The following KYAT3 variants were observed in gnomAD, a reference collection of about 807,000 sequenced individuals.
KYAT3 encodes kynurenine--oxoglutarate transaminase 3.
A neutral mutation model predicts 59.0 loss-of-function variants in KYAT3; 50 were observed. That is an observed-to-expected ratio of 0.85 (90% CI 0.68 to 1.07). The LOEUF is 1.07. Among genes scored for constraint, KYAT3 ranks in the 50% least tolerant of loss-of-function variants. The pLI, the probability that KYAT3 is intolerant of heterozygous loss-of-function variation, is 0.00. For synonymous variants in KYAT3, 148 were observed against 177.0 expected (o/e 0.84, Z 1.30); for missense variants, 497 against 533.3 (o/e 0.93, Z 0.67).
At chr1:88,934,348 G>A (rs183209527), downstream of KYAT3, among the ~76,000 whole-genome samples, 10 of 152,306 alleles carry the variant, frequency 6.6e-5, no homozygotes, top group Admixed American at 1.3e-4. Flanking sequence ...TAGCTACTTG[G>A]ATGGCTGAGG....
downstream of KYAT3, among the ~76,000 whole-genome samples, chr1:88,932,573 A>G (rs1418513228): frequency 6.6e-6 from 1 of 152,096 alleles, no homozygotes; most frequent in Non-Finnish European, 1.5e-5. Flanking sequence ...AGCTCACTGC[A>G]GCCTCAACCT....
chr1:88,949,578 T>C (rs1290922970), intron 10 of KYAT3, among the ~76,000 whole-genome samples: 3 of 152,230 alleles, frequency 2.0e-5, no homozygotes, highest in Non-Finnish European at 2.9e-5. Flanking sequence ...TAAGATATTT[T>C]CTGCTGAGGT....
the KYAT3 span, among the ~76,000 whole-genome samples, chr1:88,927,849 A>C: frequency 1.4e-4 from 22 of 152,210 alleles, no homozygotes; most frequent in Non-Finnish European, 2.6e-4. Context: ...TTACTGCTAA[A>C]TCAGACACTA....
intron 4 of KYAT3, among the ~76,000 whole-genome samples, chr1:88,967,354 C>T (rs1262541718): frequency 7.9e-5 from 12 of 151,910 alleles, no homozygotes; most frequent in African/African-American, 1.9e-4. Context: ...AGTTTTTCAT[C>T]CTGCTCCACT....
chr1:88,953,545 CAAAAAAAA>C (rs67537454), intron 9 of KYAT3, among the ~76,000 whole-genome samples: 1 of 100,908 alleles, frequency 9.9e-6, no homozygotes, highest in African/African-American at 3.5e-5. Flanking sequence ...GACTCTATCT[CAAAAAAAA>C]AAAAAAAAAA....
chr1:88,947,444 C>A (rs941923156), intron 11 of KYAT3, among the ~76,000 whole-genome samples: 1 of 152,216 alleles, frequency 6.6e-6, no homozygotes, highest in Non-Finnish European at 1.5e-5. Flanking sequence ...GAACCTAACT[C>A]TCCTCCTCCT....
chr1:88,992,014 T>C (rs10922534), intron 1 of KYAT3, among the ~76,000 whole-genome samples: 29,131 of 149,748 alleles, frequency 0.19, 3,570 homozygotes, highest in Non-Finnish European at 0.26. Flanking sequence ...AGTCTTGCTC[T>C]GTCGCCCAGG....
intron 3 of KYAT3, 128 bp downstream of exon 3, chr1:88,969,281 T>C (rs1159174517): frequency 7.5e-6 from 5 of 671,026 alleles, no homozygotes; most frequent in Non-Finnish European, 1.3e-5. Flanking sequence ...TCCATTTTCA[T>C]TTAATGGATG....
At chr1:88,969,535 C>A in intron 2 of KYAT3, 68 bp from the exon 3 acceptor site, 1 of 820,194 alleles carries the variant, frequency 1.2e-6, no homozygotes, top group South Asian at 1.4e-5. Context: ...AATCATGGGT[C>A]ACTCTTCTTC....
chr1:88,948,146 C>G (rs1675522568), intron 11 of KYAT3, among the ~76,000 whole-genome samples: 2 of 134,212 alleles, frequency 1.5e-5, no homozygotes, highest in Non-Finnish European at 3.4e-5. Context: ...AAAACAAACT[C>G]CTATGTGAAG....
chr1:88,955,639 C>T (rs889047509), intron 8 of KYAT3, among the ~76,000 whole-genome samples: 1 of 152,096 alleles, frequency 6.6e-6, no homozygotes, highest in African/African-American at 2.4e-5. Context: ...ATTGTTTAGG[C>T]CCCTTTATTT....
chr1:88,984,207 T>C, intron 2 of KYAT3: 3 of 112,248 alleles, frequency 2.7e-5, no homozygotes, highest in Admixed American at 8.3e-5. Context: ...TTTGTTGCTT[T>C]TTTTTTTTTT....
At chr1:88,988,161 A>C (rs549026317) in intron 2 of KYAT3, 91 bp downstream of exon 2, 1,029 of 776,414 alleles carry the variant, frequency 1.3e-3, no homozygotes, top group Non-Finnish European at 1.9e-3. Flanking sequence ...ATTTCAATAA[A>C]GTATTTGTAA....
intron 2 of KYAT3, chr1:88,982,404 AG>A: frequency 1.2e-6 from 1 of 858,350 alleles, no homozygotes; most frequent in Non-Finnish European, 1.6e-6. Flanking sequence ...TTACAACACT[AG>A]TACTACAAGG....
chr1:88,991,920 A>G (rs1432842723), intron 1 of KYAT3, among the ~76,000 whole-genome samples: 2 of 152,114 alleles, frequency 1.3e-5, no homozygotes, highest in African/African-American at 4.8e-5. Flanking sequence ...TGTTTTAACT[A>G]CAAATGTTGG....
At chr1:88,953,244 T>C (rs763021096) in intron 9 of KYAT3, 92 bp from the exon 10 acceptor site, 2 of 814,190 alleles carry the variant, frequency 2.5e-6, no homozygotes, top group Admixed American at 4.3e-5. Flanking sequence ...TTGTTAAATA[T>C]ATACAATCCT....
intron 9 of KYAT3, among the ~76,000 whole-genome samples, chr1:88,953,902 C>CTT (rs199642260): frequency 0.03 from 3,857 of 126,794 alleles, 168 homozygotes; most frequent in African/African-American, 0.099. Flanking sequence ...TCTTCTTCTT[C>CTT]TTCTTTTTTT....
intron 2 of KYAT3, among the ~76,000 whole-genome samples, chr1:88,976,645 GTCCT>G (rs548639238): frequency 7.2e-5 from 11 of 152,166 alleles, no homozygotes; most frequent in Non-Finnish European, 1.6e-4. Flanking sequence ...CCTCAGGCAT[GTCCT>G]TCAGGACATT....
At chr1:88,923,424 G>A in the KYAT3 span, 1 of 154,564 alleles carries the variant, frequency 6.5e-6, no homozygotes, top group Non-Finnish European at 1.5e-5. Context: ...CCTGTCAGAG[G>A]AGAGCAGTAC....
Sources: allele counts gnomAD v4.1 joint callset (sites outside exome capture counted in the v4.1 genomes callset), GRCh38; gene constraint gnomAD v4.1.1; transcripts MANE v1.5; gene names NCBI Gene and HGNC (gene_info 2026-07-23, HGNC 2026-07-21).